STARD6: variants seen among roughly 807,000 people sequenced by gnomAD.
The protein encoded by STARD6 is stAR-related lipid transfer protein 6.
In STARD6, 21 loss-of-function variants were observed where a neutral mutation model predicts 22.3. That is an observed-to-expected ratio of 0.94 (90% CI 0.67 to 1.35). The LOEUF is 1.35. STARD6 is among the 40% of genes most tolerant of loss of function. STARD6 has a pLI of 0.00. For synonymous variants in STARD6, 80 were observed against 88.1 expected, an observed-to-expected ratio of 0.91 and a Z score of 0.52; for missense variants, 269 against 266.9, an observed-to-expected ratio of 1.01 and a Z score of -0.05.
rs7233333 is a variant in STARD6, at chr18:54,340,517, C to G, written c.141-3266G>C. Among the ~76,000 whole-genome samples the G allele has an allele frequency of 9.7e-3, 1,481 of 152,064 alleles. 19 individuals carry two copies. The highest frequency in any genetic ancestry group is 0.032 in the African/African-American group (1,347 of 41,470). On this transcript the variant is annotated intron_variant, in intron 4 of 7. Coordinates refer to ENST00000307844, the MANE Select transcript of STARD6 (RefSeq NM_139171.2). ...AGGAACAAAATAGCCATGAGACATA[C>G]AGAAAACAAAATAAATTTTTAAAAT... is the stretch of plus-strand genomic sequence containing the variant.
intron 4 of STARD6, among the ~76,000 whole-genome samples, chr18:54,338,511 A>G (rs2088937560): frequency 6.6e-6 from 1 of 152,164 alleles, no homozygotes; most frequent in African/African-American, 2.4e-5. Flanking sequence ...GACTTCACAG[A>G]ATTAGTCCAG....
At chr18:54,335,151 C>T (rs1309006094) in intron 5 of STARD6, among the ~76,000 whole-genome samples, 2 of 151,408 alleles carry the variant, frequency 1.3e-5, no homozygotes, top group South Asian at 2.1e-4. Flanking sequence ...GAATCATCCC[C>T]CCATCCCTCC....
Position 54,337,257 on chromosome 18 carries a change from G to A in STARD6, c.141-6C>T. ...TTATCCCTTCAACACGATATCTACA[G>A]TTAACAAAATAAAGAAAATTCAAAG... is the stretch of plus-strand genomic sequence containing the variant. On this transcript the variant is annotated splice_polypyrimidine_tract_variant and splice_region_variant and intron_variant, in intron 4 of 7. Coordinates refer to ENST00000307844, the MANE Select transcript of STARD6 (RefSeq NM_139171.2). The A allele has an allele frequency of 6.2e-7, 1 of 1,604,528 alleles. No individual in the cohort carries two copies. Among genetic ancestry groups the A allele is most frequent in the Non-Finnish European group, 8.5e-7 (1 of 1,176,916 alleles).
At chr18:54,352,617 A>T (rs1252211094) in intron 4 of STARD6, among the ~76,000 whole-genome samples, 5 of 152,188 alleles carry the variant, frequency 3.3e-5, no homozygotes, top group African/African-American at 1.2e-4. Flanking sequence ...TTATGGGATA[A>T]TTTGTTGTGC....
At chr18:54,328,130 C>T (rs1356951222) in intron 7 of STARD6, among the ~76,000 whole-genome samples, 1 of 152,076 alleles carries the variant, frequency 6.6e-6, no homozygotes, top group Non-Finnish European at 1.5e-5. Flanking sequence ...TTGGTACTAT[C>T]CATGGGTTTA....
At chr18:54,355,475 C>G (rs2089135649) in intron 2 of STARD6, among the ~76,000 whole-genome samples, 1 of 151,950 alleles carries the variant, frequency 6.6e-6, no homozygotes, top group South Asian at 2.1e-4. Context: ...AGGGCAAAGC[C>G]CTTATGAATG....
intron 4 of STARD6, among the ~76,000 whole-genome samples, chr18:54,341,512 G>A (rs2088969208): frequency 6.6e-6 from 1 of 152,140 alleles, no homozygotes; most frequent in Non-Finnish European, 1.5e-5. Flanking sequence ...CATTCTACAA[G>A]AGAGACCATC....
At position 54,324,864 on chromosome 18, in the gene STARD6, T is replaced by A; in HGVS notation, c.491A>T (p.Tyr164Phe). 1.3e-6 allele frequency: 2 copies of A among 1,541,644 alleles called. No individual in the cohort carries two copies. Among genetic ancestry groups the A allele is most frequent in the Non-Finnish European group, 1.7e-6 (2 of 1,151,466 alleles). The change falls in exon 8 of 8, where the codon TAT (tyrosine) becomes TTT (phenylalanine). Residue 164 changes from tyrosine (Y) to phenylalanine (F), a missense_variant. Coordinates refer to ENST00000307844, the MANE Select transcript of STARD6 (RefSeq NM_139171.2). ...VCSPMEENPA[Y>F]SKLVMFVQTE... ...CTGGACAAACATCACTAGTTTGGAA[T>A]ATGCTGGGTTTCTGTAAGCAAAAGA...
rs905063062 is a variant in STARD6, at chr18:54,351,904, T to G, written c.140+2150A>C. ...TTAATCAGGGATATTGGTCCGTTTT[T>G]TTTTTTTTTTTTTTTTTAATGTCCT... On this transcript the variant is annotated intron_variant, in intron 4 of 7. Coordinates refer to ENST00000307844, the MANE Select transcript of STARD6 (RefSeq NM_139171.2). Among the ~76,000 whole-genome samples the G allele has an allele frequency of 2.0e-5, 3 of 147,540 alleles. No homozygotes were observed. In the South Asian group the frequency reaches 6.3e-4, roughly 31 times the overall value.
intron 6 of STARD6, among the ~76,000 whole-genome samples, chr18:54,329,854 A>G (rs1475644315): frequency 3.3e-5 from 5 of 151,844 alleles, no homozygotes; most frequent in African/African-American, 1.2e-4. Context: ...TCCTGGGTTC[A>G]TAGATTTTTG....
chr18:54,345,786 T>G (rs1009736698), intron 4 of STARD6, among the ~76,000 whole-genome samples: 5 of 152,150 alleles, frequency 3.3e-5, no homozygotes, highest in Admixed American at 3.3e-4. Context: ...CTAATGTATA[T>G]GGTCAATTGA....
intron 4 of STARD6, among the ~76,000 whole-genome samples, chr18:54,343,330 A>T (rs1315583863): frequency 1.4e-5 from 2 of 139,816 alleles, no homozygotes; most frequent in East Asian, 2.1e-4. Context: ...GGAAGTGAGG[A>T]GCATCTCCGC....
At chr18:54,333,398 G>A (rs1306664291) in intron 5 of STARD6, among the ~76,000 whole-genome samples, 1 of 152,086 alleles carries the variant, frequency 6.6e-6, no homozygotes, top group Non-Finnish European at 1.5e-5. Flanking sequence ...GCAGTGAGCC[G>A]AGATTGTGCC....
intron 2 of STARD6, among the ~76,000 whole-genome samples, chr18:54,356,005 GGATTAGTT>G (rs1186834545): frequency 9.2e-5 from 14 of 152,120 alleles, no homozygotes; most frequent in Non-Finnish European, 1.6e-4. Flanking sequence ...ATCATTATAA[GGATTAGTT>G]GAGTTAATAT....
chr18:54,352,086 G>C (rs77884803), intron 4 of STARD6, among the ~76,000 whole-genome samples: 4,262 of 148,158 alleles, frequency 0.029, 81 homozygotes, highest in Non-Finnish European at 0.045. Context: ...CTTTTTTGTT[G>C]GCAATTTAAA....
intron 5 of STARD6, among the ~76,000 whole-genome samples, chr18:54,334,849 G>A (rs1012631085): frequency 3.3e-5 from 5 of 152,116 alleles, no homozygotes; most frequent in African/African-American, 1.2e-4. Flanking sequence ...CTCTTCTGAT[G>A]AGAACGTAAG....
At position 54,324,633 on chromosome 18, in the gene STARD6, A is replaced by G; in HGVS notation, c.*59T>C. The G allele has an allele frequency of 6.5e-7, 1 of 1,534,964 alleles. No homozygotes were observed. Among genetic ancestry groups the G allele is most frequent in the Non-Finnish European group, 8.9e-7 (1 of 1,117,768 alleles). On this transcript the variant is annotated 3_prime_UTR_variant, in exon 8 of 8. Coordinates refer to ENST00000307844, the MANE Select transcript of STARD6 (RefSeq NM_139171.2). ...TTTATGTGCGTTGACTTAGAAGTAA[A>G]CAGCAATAACTACTACACATGATTT...
chr18:54,354,462 A>G, intron 3 of STARD6, 22 bp downstream of exon 3: 9 of 1,562,112 alleles, frequency 5.8e-6, no homozygotes, highest in East Asian at 2.2e-5. Flanking sequence ...GTCTTGAAAC[A>G]TAATTTAACT....
chr18:54,337,052 T>G, intron 5 of STARD6, 73 bp downstream of exon 5: 3 of 1,346,836 alleles, frequency 2.2e-6, no homozygotes, highest in Non-Finnish European at 3.0e-6. Context: ...TAACATAGTT[T>G]TAATCAACTC....
Sources: allele counts gnomAD v4.1 joint callset (sites outside exome capture counted in the v4.1 genomes callset), GRCh38; gene constraint gnomAD v4.1.1; transcripts MANE v1.5; gene names NCBI Gene and HGNC (gene_info 2026-07-23, HGNC 2026-07-21).